The following TAPBPL variants were observed in gnomAD, a reference collection of about 807,000 sequenced individuals.
The protein encoded by TAPBPL is TAP binding protein like.
In TAPBPL, 32 loss-of-function variants were observed where a neutral mutation model predicts 44.8. The ratio of observed to expected loss-of-function variants is 0.71; its 90% confidence interval spans 0.54 to 0.96. The LOEUF is 0.96. TAPBPL is among the 40% of genes least tolerant of loss of function. TAPBPL has a pLI of 0.00. For missense variants in TAPBPL, 520 were observed against 586.6 expected, an observed-to-expected ratio of 0.89 and a Z score of 1.17; for synonymous variants, 230 against 240.7, an observed-to-expected ratio of 0.96 and a Z score of 0.41.
chr12:6,451,977 G>T (rs1419024803), upstream of TAPBPL: 2 of 528,864 alleles, frequency 3.8e-6, no homozygotes, highest in African/African-American at 3.8e-5. Flanking sequence ...GAAATCACCA[G>T]GGGATTTCCG....
chr12:6,454,204 C>G (rs1189266974), intron 3 of TAPBPL, among the ~76,000 whole-genome samples: 1 of 152,062 alleles, frequency 6.6e-6, no homozygotes, highest in Non-Finnish European at 1.5e-5. Context: ...TGCGAAGGCC[C>G]ATGCCTGTAA....
chr12:6,452,593 A>C (rs960651319), intron 1 of TAPBPL: 1 of 1,338,418 alleles, frequency 7.5e-7, no homozygotes, highest in African/African-American at 1.5e-5. Flanking sequence ...GGGAGCTGAC[A>C]CTTCAGAAGA....
In TAPBPL at chr12:6,457,673, AG is replaced by A; in HGVS notation, c.837del (p.Thr280ProfsTer29). On this transcript the variant is annotated frameshift_variant, in exon 4 of 7. Coordinates refer to ENST00000266556, the MANE Select transcript of TAPBPL (RefSeq NM_018009.5). LOFTEE classifies it high-confidence loss of function. ...LTLPGLTIQD[E>X]GTYICQITTS... ...CTGCCCGGCCTCACTATACAGGACG[AG>A]GGGACCTACATTTGCCAGATCACCA... 1 of 1,613,778 alleles carries A rather than the reference AG, an allele frequency of 6.2e-7. No homozygotes were observed. Among genetic ancestry groups the A allele is most frequent in the Non-Finnish European group, 8.5e-7 (1 of 1,179,772 alleles).
chr12:6,458,615 G>A, intron 4 of TAPBPL, 30 bp from the exon 5 acceptor site: 2 of 1,608,672 alleles, frequency 1.2e-6, no homozygotes, highest in Non-Finnish European at 1.7e-6. Flanking sequence ...TTAGATCCAT[G>A]TGTAATCTTA....
chr12:6,471,104 G>C (rs1415499108), downstream of TAPBPL: 1 of 156,922 alleles, frequency 6.4e-6, no homozygotes, highest in African/African-American at 2.4e-5. The surrounding 1 kb of genome is among the most constrained non-coding windows in gnomAD (Gnocchi z 4.0). Context: ...GCCCAGCCCT[G>C]GTGCCCTGCT....
At chr12:6,471,173 A>T (rs527495617), downstream of TAPBPL, among the ~76,000 whole-genome samples, 3 of 152,284 alleles carry the variant, frequency 2.0e-5, no homozygotes, top group South Asian at 6.2e-4. This position sits in a 1 kb window ranked among gnomAD's most constrained non-coding sequence, Gnocchi z 4.0. Flanking sequence ...AGGGTGCAGG[A>T]GCCTCGAGAC....
Position 6,453,323 on chromosome 12 carries a change from G to C in TAPBPL, c.295+26G>C, listed in dbSNP as rs1224206089. 6.2e-7 allele frequency: 1 copy of C among 1,611,914 alleles called. No homozygotes were observed. ...GTAAAAGCCTTCCACCTGTGTCCTT[G>C]GTCCTCCCGGGCTCCCTCCACCAGG... On this transcript the variant is annotated intron_variant, in intron 2 of 6. Coordinates refer to ENST00000266556, the MANE Select transcript of TAPBPL (RefSeq NM_018009.5). This position sits in a 1 kb window ranked among gnomAD's most constrained non-coding sequence, Gnocchi z 4.8.
downstream of TAPBPL, chr12:6,465,077 G>T: frequency 7.6e-7 from 1 of 1,310,018 alleles, no homozygotes; most frequent in Non-Finnish European, 1.0e-6. Flanking sequence ...AGACCTGCAG[G>T]CCTCTTAGAG....
At chr12:6,466,529 C>A, downstream of TAPBPL, 1 of 579,422 alleles carries the variant, frequency 1.7e-6, no homozygotes, top group African/African-American at 1.9e-5. Flanking sequence ...AAAAAACAGA[C>A]AAAAAGAAAG....
chr12:6,470,822 CA>C, downstream of TAPBPL: 1 of 538,778 alleles, frequency 1.9e-6, no homozygotes. Context: ...TTGCCAGTCA[CA>C]ACTCTCCTCT....
At chr12:6,466,301 C>T (rs1355749642), downstream of TAPBPL, 2 of 1,614,176 alleles carry the variant, frequency 1.2e-6, no homozygotes, top group Non-Finnish European at 1.7e-6. Context: ...GGGACCCCCA[C>T]CTGGGGCAGT....
At chr12:6,460,974 C>CCA in intron 6 of TAPBPL, 36 bp downstream of exon 6, 1 of 1,613,214 alleles carries the variant, frequency 6.2e-7, no homozygotes, top group Non-Finnish European at 8.5e-7. Flanking sequence ...TGGCCCTGGC[C>CCA]CACCTCACCC....
At chr12:6,471,864 C>A in the TAPBPL span, among the ~76,000 whole-genome samples, 1 of 152,104 alleles carries the variant, frequency 6.6e-6, no homozygotes, top group Admixed American at 6.6e-5. The surrounding 1 kb of genome is among the most constrained non-coding windows in gnomAD (Gnocchi z 4.0). Flanking sequence ...TTATCTGTGA[C>A]AAATGCTTTC....
chr12:6,465,059 C>A (rs186765662), downstream of TAPBPL: 906 of 1,485,422 alleles, frequency 6.1e-4, 3 homozygotes, highest in Admixed American at 7.3e-3. Context: ...AACCACCCAT[C>A]ACCCAGGAGA....
At chr12:6,471,125 C>T (rs1333266772), downstream of TAPBPL, 3 of 154,070 alleles carry the variant, frequency 1.9e-5, no homozygotes, top group East Asian at 1.9e-4. This position sits in a 1 kb window ranked among gnomAD's most constrained non-coding sequence, Gnocchi z 4.0. Context: ...CTGGCCCTCG[C>T]TCCGCACCAC....
At chr12:6,458,218 A>G (rs1949751338) in intron 4 of TAPBPL, among the ~76,000 whole-genome samples, 1 of 152,216 alleles carries the variant, frequency 6.6e-6, no homozygotes, top group East Asian at 1.9e-4. Context: ...TCTACTAAAA[A>G]TACAAAAAAT....
chr12:6,462,740 A>AC, downstream of TAPBPL: 1 of 1,335,424 alleles, frequency 7.5e-7, no homozygotes, highest in Non-Finnish European at 1.0e-6. Flanking sequence ...TCCAGCGGTG[A>AC]CCCCCTGCAT....
At position 6,452,301 on chromosome 12, in the gene TAPBPL, C is replaced by T. The variant is rs1178145727; in HGVS notation, c.53C>T (p.Ala18Val). The change falls in exon 1 of 7, where the codon GCA (alanine) becomes GTA (valine). Residue 18 changes from alanine to valine, a missense_variant. Physicochemically the swap from Ala to Val is moderately conservative, Grantham distance 64. Coordinates refer to ENST00000266556, the MANE Select transcript of TAPBPL (RefSeq NM_018009.5). ...CTGCTCTGCCTGGCTCTATCTGGAGCAGCAGAAACCAGTGAGTCTGGGAGT... is the reference window on the plus strand; with the variant it reads ...CTGCTCTGCCTGGCTCTATCTGGAGTAGCAGAAACCAGTGAGTCTGGGAGT... The part of the protein sequence containing the change: ...CLLLCLALSG[A>V]AETKPHPAEG... 1 of 1,574,506 alleles carries T rather than the reference C, an allele frequency of 6.4e-7. No homozygotes were observed. The highest frequency in any genetic ancestry group is 8.6e-7 in the Non-Finnish European group (1 of 1,160,494).
intron 3 of TAPBPL, 37 bp from the exon 4 acceptor site, chr12:6,457,369 A>G (rs1490015967): frequency 7.6e-6 from 12 of 1,580,098 alleles, no homozygotes; most frequent in East Asian, 2.2e-5. Flanking sequence ...TCAAGGAGGA[A>G]GTAGCCCACA....
Sources: gnomAD v4.1 joint callset for allele counts (sites outside exome capture counted in the v4.1 genomes callset) on GRCh38, gnomAD v4.1.1 for gene constraint, Gnocchi (gnomAD v3.1) non-coding constraint, MANE v1.5 for transcripts, NCBI Gene and HGNC (gene_info 2026-07-23, HGNC 2026-07-21) for gene names.